FH: variants seen among roughly 807,000 people sequenced by gnomAD.
The protein encoded by FH is fumarate hydratase, mitochondrial.
A neutral mutation model predicts 49.4 loss-of-function variants in FH; 22 were observed. That is an observed-to-expected ratio of 0.45 (90% CI 0.32 to 0.64). The LOEUF is 0.64. Among genes scored for constraint, FH ranks in the 30% least tolerant of loss-of-function variants. FH has a pLI of 0.05. For synonymous variants in FH, 208 were observed against 223.0 expected (o/e 0.93, Z 0.60); for missense variants, 526 against 641.5 (o/e 0.82, Z 1.95).
intron 3 of FH, among the ~76,000 whole-genome samples, chr1:241,513,120 T>C (rs879709406): frequency 2.6e-5 from 4 of 152,182 alleles, no homozygotes; most frequent in Non-Finnish European, 5.9e-5. Context: ...GTAGCTGTTA[T>C]AGTTACGCAT....
intron 6 of FH, 81 bp from the exon 7 acceptor site, chr1:241,504,326 T>C (rs1193805675): frequency 4.5e-6 from 6 of 1,322,290 alleles, no homozygotes; most frequent in African/African-American, 1.5e-5. Context: ...AAACAGAAAG[T>C]TCCAATATAC....
intron 7 of FH, among the ~76,000 whole-genome samples, chr1:241,503,243 C>T (rs10802968): frequency 0.33 from 50,312 of 152,044 alleles, 8,476 homozygotes; most frequent in Non-Finnish European, 0.37. Flanking sequence ...ATCAACTAAA[C>T]CTTTATGTCA....
chr1:241,514,892 T>C (rs1660177316), intron 2 of FH, among the ~76,000 whole-genome samples: 1 of 151,928 alleles, frequency 6.6e-6, no homozygotes, highest in Non-Finnish European at 1.5e-5. Context: ...AACACTGAGG[T>C]AGTGGGCTGA....
At position 241,517,086 on chromosome 1, in the gene FH, AC is replaced by A; in HGVS notation, c.267+95del. ...CGAAGCCATCTTTTCTAATAACTTTACATTTTAACTCTGAAAAATATTTATA... is the reference window on the plus strand; with the variant it reads ...CGAAGCCATCTTTTCTAATAACTTTAATTTTAACTCTGAAAAATATTTATA... On this transcript the variant is annotated intron_variant, in intron 2 of 9. Transcript: ENST00000366560. 4 of 1,472,094 alleles carry A rather than the reference AC, an allele frequency of 2.7e-6. No homozygotes were observed. The South Asian group carries it at 4.6e-5, about 17-fold the overall frequency. 91.2% of individuals were successfully genotyped at this position (1,472,094 alleles called of 1,614,324 possible).
At chr1:241,508,558 T>C in intron 5 of FH, 45 bp downstream of exon 5, 1 of 1,550,336 alleles carries the variant, frequency 6.5e-7, no homozygotes, top group Non-Finnish European at 8.9e-7. Context: ...CATTGGCCAT[T>C]TGTACCAAGC....
Position 241,504,138 on chromosome 1 carries a change from T to A in FH, c.1012A>T (p.Ile338Leu). ...MNTTACSLMK[I>L]ANDIRFLGSG... ...CCCAAAAATCGAATATCATTTGCTA[T>A]CTTCATCAGACTGCAGGCAGTAGTG... The change falls in exon 7 of 10, where the codon ATA (isoleucine) becomes TTA (leucine). Residue 338 changes from isoleucine to leucine, a missense_variant. This residue lies in a region of FH where 383 missense variants were observed against 514.0 expected (regional missense o/e 0.75). Coordinates refer to ENST00000366560, the MANE Select transcript of FH (RefSeq NM_000143.4). 6.2e-7 allele frequency: 1 copy of A among 1,614,224 alleles called. No individual in the cohort carries two copies. Among genetic ancestry groups the A allele is most frequent in the Non-Finnish European group, 8.5e-7 (1 of 1,180,040 alleles).
chr1:241,504,345 A>T (rs951730034), intron 6 of FH, 100 bp from the exon 7 acceptor site: 1 of 1,175,880 alleles, frequency 8.5e-7, no homozygotes, highest in Non-Finnish European at 1.2e-6. Context: ...ACGAAAAAAT[A>T]AAAATTTTAC....
In FH at chr1:241,517,346, G is replaced by A. The variant is rs201592445; in HGVS notation, c.133-30C>T. On this transcript the variant is annotated intron_variant, in intron 1 of 9. Transcript: ENST00000366560. ...AGACAAGAATACAACACTATTACAA[G>A]TTGAAAAGAAACCCAGGATCAAAAG... 14 of 1,612,896 alleles carry A rather than the reference G, an allele frequency of 8.7e-6. No homozygotes were observed. The highest frequency in any genetic ancestry group is 2.2e-5 in the South Asian group (2 of 91,076).
In FH at chr1:241,512,098, G is replaced by C. The variant is rs1355199594; in HGVS notation, c.424C>G (p.Gln142Glu). Residue 142 changes from glutamine to glutamate, a missense_variant, in exon 4 of 10, where the codon CAG (glutamine) becomes GAG (glutamate). Physicochemically the swap from Gln to Glu is conservative, Grantham distance 29. Around this residue, in one of 2 missense-constraint regions of FH, gnomAD observed 383 missense variants for 514.0 expected, o/e 0.75. Coordinates refer to ENST00000366560, the MANE Select transcript of FH (RefSeq NM_000143.4). ...TTTGTCTGAGTTCCTGATCCAGTCT[G>C]CCATACCACGAGAGGAAAATGATCA... is the stretch of plus-strand genomic sequence containing the variant. ...LNDHFPLVVWQTGSGTQTNMN... is the reference protein window; with the variant it reads ...LNDHFPLVVWETGSGTQTNMN... The C allele has an allele frequency of 6.2e-7, 1 of 1,613,654 alleles. No individual in the cohort carries two copies. The highest frequency in any genetic ancestry group is 8.5e-7 in the Non-Finnish European group (1 of 1,179,796).
chr1:241,517,186 A>G lies in FH; in HGVS notation c.263T>C (p.Met88Thr), dbSNP rs763390436. ...NFKIGGVTER[M>T]PTPVIKAFGI... ...ATTTCCACAAATGCCACTTACTGGC[A>G]TGCGTTCTGTCACACCTCCAATCTT... The change falls in exon 2 of 10, where the codon ATG becomes ACG. Residue 88 changes from methionine to threonine, a missense_variant. By Grantham distance (81) the Met-to-Thr change is moderately conservative. Coordinates refer to ENST00000366560, the MANE Select transcript of FH (RefSeq NM_000143.4). 6.2e-7 allele frequency: 1 copy of G among 1,614,180 alleles called. No homozygotes were observed. The highest frequency in any genetic ancestry group is 1.1e-5 in the South Asian group (1 of 91,084).
rs1254892371 is a variant in FH, at chr1:241,497,944, T to C, written c.1417A>G (p.Lys473Glu). The C allele has an allele frequency of 6.2e-7, 1 of 1,614,036 alleles. No homozygotes were observed. Among genetic ancestry groups the C allele is most frequent in the Admixed American group, 1.7e-5 (1 of 59,994 alleles). The stretch of plus-strand genomic sequence containing the variant: ...GTTGATCCATTTTTGTGTGCTGTCT[T>C]AGCAATCTTTGCTGCCTTGTCATAC... Reference protein sequence around the residue: ...IGYDKAAKIAKTAHKNGSTLK... With the variant: ...IGYDKAAKIAETAHKNGSTLK... The change falls in exon 10 of 10, where the codon AAG becomes GAG. Residue 473 changes from lysine to glutamate, a missense_variant. Lys to Glu is a moderately conservative substitution (Grantham distance 56, BLOSUM62 1). Coordinates refer to ENST00000366560, the MANE Select transcript of FH (RefSeq NM_000143.4).
chr1:241,508,793 A>T lies in FH; in HGVS notation c.556-8T>A. ...AAAAGTATCATTTGAGCTCTGTTGGAAATTTTTCAAAAGAAATATAAAATG... is the reference window on the plus strand; with the variant it reads ...AAAAGTATCATTTGAGCTCTGTTGGTAATTTTTCAAAAGAAATATAAAATG... On this transcript the variant is annotated splice_region_variant and splice_polypyrimidine_tract_variant and intron_variant, in intron 4 of 9. Transcript: ENST00000366560. The T allele has an allele frequency of 6.2e-7, 1 of 1,611,404 alleles. No individual in the cohort carries two copies. Among genetic ancestry groups the T allele is most frequent in the Non-Finnish European group, 8.5e-7 (1 of 1,178,184 alleles).
Position 241,519,735 on chromosome 1 carries a change from G to C in FH, c.-13C>G. 1 of 1,524,320 alleles carries C rather than the reference G, an allele frequency of 6.6e-7. No homozygotes were observed. The highest frequency in any genetic ancestry group is 8.8e-7 in the Non-Finnish European group (1 of 1,131,104). The allele number at this position is 1,524,320 out of a possible 1,614,324, so 94.4% of individuals were successfully genotyped here. A position where few individuals can be genotyped will look rare whatever the true frequency, so the allele number is the denominator to read the frequency against. On this transcript the variant is annotated 5_prime_UTR_variant, in exon 1 of 10. Transcript: ENST00000366560. ...GTGCTCGGTACATGGTGCTGAGGGA[G>C]CTTGGGTAGAATTTCTGGGCGGCTG...
rs1660034913 is a variant in FH at position 241,509,803 on chromosome 1, A to G, written c.556-1018T>C. On this transcript the variant is annotated intron_variant, in intron 4 of 9. Coordinates refer to ENST00000366560, the MANE Select transcript of FH (RefSeq NM_000143.4). ...AACACACACACACACACACACACAC[A>G]CACACACACACACACACACACGCAT... Among the ~76,000 whole-genome samples the G allele has an allele frequency of 2.6e-5, 4 of 151,752 alleles. No individual in the cohort carries two copies. The South Asian group carries it at 8.3e-4, about 32-fold the overall frequency.
At chr1:241,503,927 G>T in intron 7 of FH, 115 bp downstream of exon 7, 1 of 1,078,538 alleles carries the variant, frequency 9.3e-7, no homozygotes, top group Non-Finnish European at 1.4e-6. Context: ...GGAACAGTGC[G>T]CCTTGCGCAT....
At position 241,508,597 on chromosome 1, in the gene FH, C is replaced by T. The variant is rs1229863238; in HGVS notation, c.738+6G>A. On this transcript the variant is annotated splice_donor_region_variant and intron_variant, in intron 5 of 9. Transcript: ENST00000366560. The stretch of plus-strand genomic sequence containing the variant: ...AAATTGAATCAAATTAGTCAAACTC[C>T]TATACCTGCCCAAGAGTAAGTGGAA... 6.2e-7 allele frequency: 1 copy of T among 1,610,784 alleles called. No individual in the cohort carries two copies. Among genetic ancestry groups the T allele is most frequent in the East Asian group, 2.2e-5 (1 of 44,854 alleles).
At chr1:241,504,624 T>C (rs894735220) in intron 6 of FH, among the ~76,000 whole-genome samples, 1 of 152,094 alleles carries the variant, frequency 6.6e-6, no homozygotes, top group African/African-American at 2.4e-5. Context: ...TAATTTTTAG[T>C]AGAGATGGGG....
intron 3 of FH, 94 bp downstream of exon 3, chr1:241,513,509 T>C: frequency 1.1e-6 from 1 of 940,896 alleles, no homozygotes; most frequent in South Asian, 1.3e-5. Flanking sequence ...ATTCAAGAAT[T>C]CACAGTTCCC....
At chr1:241,518,137 T>A (rs1315872186) in intron 1 of FH, among the ~76,000 whole-genome samples, 1 of 152,212 alleles carries the variant, frequency 6.6e-6, no homozygotes, top group East Asian at 1.9e-4. Context: ...CATCAAGGGT[T>A]ATGTGAAATT....
Sources: allele counts gnomAD v4.1 joint callset (sites outside exome capture counted in the v4.1 genomes callset), GRCh38; gene constraint gnomAD v4.1.1; regional missense constraint gnomAD v4.1.1; transcripts MANE v1.5; gene names NCBI Gene and HGNC (gene_info 2026-07-23, HGNC 2026-07-21).